ALK: variants seen among roughly 807,000 people sequenced by gnomAD.
ALK encodes the protein ALK tyrosine kinase receptor.
Under a neutral mutation model 163.1 loss-of-function variants are expected in ALK, and 74 were observed. The ratio of observed to expected loss-of-function variants is 0.45; its 90% CI spans 0.38 to 0.55. The LOEUF (loss-of-function observed/expected upper bound fraction) is 0.55. Ranked by LOEUF, ALK falls within the 20% of genes least tolerant of loss-of-function variation. The probability of loss-of-function intolerance (pLI) is 0.00; values close to 1 mark genes in which losing one functional copy is unlikely to be tolerated. For missense variants in ALK, 2,063 were observed against 2,105.3 expected, an observed-to-expected ratio of 0.98 and a Z score of 0.39; for synonymous variants, 960 against 843.2, an observed-to-expected ratio of 1.14 and a Z score of -2.40.
intron 4 of ALK, among the ~76,000 whole-genome samples, chr2:29,523,858 G>GTT (rs58587837): frequency 9.0e-6 from 1 of 110,952 alleles, no homozygotes; most frequent in African/African-American, 3.5e-5. Context: ...GAAGCTGAAG[G>GTT]TTTTTTTTTT....
chr2:29,407,340 C>T (rs559428694), intron 4 of ALK, among the ~76,000 whole-genome samples: 2 of 152,346 alleles, frequency 1.3e-5, no homozygotes, highest in South Asian at 4.1e-4. Flanking sequence ...TCACAGTTAA[C>T]ATTTATTGAA....
intron 1 of ALK, among the ~76,000 whole-genome samples, chr2:29,750,091 G>A (rs979382157): frequency 1.3e-5 from 2 of 152,210 alleles, no homozygotes; most frequent in African/African-American, 4.8e-5. Context: ...CATCCGCCGA[G>A]GGCATGATTG....
chr2:29,226,711 A>G (rs1269030757), intron 18 of ALK, among the ~76,000 whole-genome samples: 5 of 152,206 alleles, frequency 3.3e-5, no homozygotes, highest in Middle Eastern at 3.4e-3. Context: ...TAGAGGGCTT[A>G]TTCTATAGTA....
chr2:29,222,082 G>A (rs529097616), intron 22 of ALK, among the ~76,000 whole-genome samples: 2 of 152,268 alleles, frequency 1.3e-5, no homozygotes, highest in South Asian at 2.1e-4. Flanking sequence ...AAGAACCAGT[G>A]GATAACAGCA....
intron 1 of ALK, among the ~76,000 whole-genome samples, chr2:29,807,614 G>A (rs1664655081): frequency 6.6e-6 from 1 of 152,192 alleles, no homozygotes; most frequent in African/African-American, 2.4e-5. Flanking sequence ...TCAAATAAAT[G>A]CCAGCTTCAT....
intron 22 of ALK, chr2:29,221,324 CCTCA>C (rs1258443286): frequency 1.1e-5 from 5 of 471,376 alleles, no homozygotes; most frequent in African/African-American, 5.9e-5. Context: ...CCCGTGGATT[CCTCA>C]TGGGAGGGAC....
At chr2:29,846,981 G>A (rs917107658) in intron 1 of ALK, among the ~76,000 whole-genome samples, 5 of 152,184 alleles carry the variant, frequency 3.3e-5, no homozygotes, top group East Asian at 3.8e-4. Context: ...GTAAACACAC[G>A]TAAAAAGGAG....
intron 24 of ALK, among the ~76,000 whole-genome samples, chr2:29,210,865 G>T (rs913744889): frequency 1.3e-5 from 2 of 152,118 alleles, no homozygotes; most frequent in African/African-American, 4.8e-5. Flanking sequence ...TGCCTCTGAG[G>T]CATGGTCAAC....
At chr2:29,511,998 T>G (rs1672534024) in intron 4 of ALK, among the ~76,000 whole-genome samples, 1 of 151,544 alleles carries the variant, frequency 6.6e-6, no homozygotes, top group South Asian at 2.1e-4. Flanking sequence ...TCTCCCACAC[T>G]GTGGCTTGTA....
intron 3 of ALK, among the ~76,000 whole-genome samples, chr2:29,553,724 C>T (rs1266644616): frequency 3.3e-5 from 5 of 152,200 alleles, no homozygotes; most frequent in African/African-American, 1.2e-4. Flanking sequence ...CAGTAATGCA[C>T]GGCAGTACCT....
chr2:29,436,873 T>C (rs1670413952), intron 4 of ALK, among the ~76,000 whole-genome samples: 1 of 152,128 alleles, frequency 6.6e-6, no homozygotes, highest in Non-Finnish European at 1.5e-5. Context: ...AGAAAATGGC[T>C]CTGGAATCCT....
At chr2:29,414,489 G>C (rs889459272) in intron 4 of ALK, among the ~76,000 whole-genome samples, 1 of 152,058 alleles carries the variant, frequency 6.6e-6, no homozygotes, top group Non-Finnish European at 1.5e-5. Context: ...TTCTCTCCCT[G>C]CGAGTAGGTC....
chr2:29,259,583 A>G (rs975626426), intron 11 of ALK, among the ~76,000 whole-genome samples: 4 of 152,132 alleles, frequency 2.6e-5, no homozygotes, highest in African/African-American at 9.7e-5. Flanking sequence ...TTTTCTTGTT[A>G]TATAAAGTGT....
chr2:29,885,370 A>G (rs1334424600), intron 1 of ALK, among the ~76,000 whole-genome samples: 1 of 152,174 alleles, frequency 6.6e-6, no homozygotes, highest in African/African-American at 2.4e-5. Flanking sequence ...GAGAACCCCA[A>G]CAAACAGAAC....
At position 29,697,849 on chromosome 2, in the gene ALK, G is replaced by T. The variant is rs73921161; in HGVS notation, c.788-2835C>A. ...GGTGTTGGAAATTTCAGAATACAGT[G>T]GGGGCAGATTCTAAGGCAGGCAGCC... On this transcript the variant is annotated intron_variant, in intron 2 of 28. Transcript: ENST00000389048. 4.5e-3 allele frequency among the ~76,000 whole-genome samples: 679 copies of T among 152,312 alleles called. 4 individuals carry two copies. Among genetic ancestry groups the T allele is most frequent in the African/African-American group, 0.015 (617 of 41,580 alleles).
At chr2:29,520,797 T>G (rs1468974938) in intron 4 of ALK, among the ~76,000 whole-genome samples, 1 of 152,102 alleles carries the variant, frequency 6.6e-6, no homozygotes, top group East Asian at 1.9e-4. Context: ...GGGGTGAGGC[T>G]TGATCAGTGG....
chr2:29,640,999 C>G (rs747753209), intron 3 of ALK, among the ~76,000 whole-genome samples: 2 of 151,982 alleles, frequency 1.3e-5, no homozygotes, highest in Non-Finnish European at 2.9e-5. Context: ...CTGGAGATGT[C>G]GGGACATTCC....
In ALK at chr2:29,900,841, G is replaced by A. The variant is rs1228979320; in HGVS notation, c.667+19152C>T. On this transcript the variant is annotated intron_variant, in intron 1 of 28. Transcript: ENST00000389048. ...CCACTATGAGAGGTAGAGAACAAGAGAAAAGAAATCAAGAAGGAGTGAGGG... is the reference window on the plus strand; with the variant it reads ...CCACTATGAGAGGTAGAGAACAAGAAAAAAGAAATCAAGAAGGAGTGAGGG... 4.7e-4 allele frequency among the ~76,000 whole-genome samples: 72 copies of A among 152,166 alleles called. 1 individual carries two copies. Among genetic ancestry groups the A allele is most frequent in the Non-Finnish European group, 1.5e-5 (1 of 68,040 alleles).
intron 1 of ALK, among the ~76,000 whole-genome samples, chr2:29,758,278 G>T (rs561583734): frequency 2.0e-5 from 3 of 152,210 alleles, no homozygotes; most frequent in South Asian, 4.2e-4. Context: ...TCAAGGTGTT[G>T]TGCCCAGCCC....
Sources: allele counts gnomAD v4.1 joint callset (sites outside exome capture counted in the v4.1 genomes callset), GRCh38; gene constraint gnomAD v4.1.1; transcripts MANE v1.5; gene names NCBI Gene and HGNC (gene_info 2026-07-23, HGNC 2026-07-21).